Variants in RNF213 observed in about 807,000 individuals in gnomAD.
RNF213 encodes ring finger protein 213, also known as E3 ubiquitin-protein ligase RNF213.
Under a neutral mutation model 514.4 loss-of-function variants are expected in RNF213, and 341 were observed. That is an observed-to-expected ratio of 0.66 (90% CI 0.61 to 0.73). The LOEUF (loss-of-function observed/expected upper bound fraction) is 0.73. Among genes scored for constraint, RNF213 ranks in the 30% least tolerant of loss-of-function variants. The pLI, the probability that RNF213 is intolerant of heterozygous loss-of-function variation, is 0.00. For missense variants in RNF213, 5,767 were observed against 6,615.6 expected (o/e 0.87, Z 4.45); for synonymous variants, 2,655 against 2,658.2 (o/e 1.00, Z 0.04).
At chr17:80,322,144 A>C (rs1599021421) in intron 17 of RNF213, among the ~76,000 whole-genome samples, 33 of 81,080 alleles carry the variant, frequency 4.1e-4, no homozygotes, top group South Asian at 1.3e-3. Context: ...TTTGCCCCTC[A>C]TCCCCCCCAC....
rs761603859 is a variant in RNF213, at chr17:80,380,917, C to G, written c.13727C>G (p.Pro4576Arg). ...GTGACATGTGACCGAGGGCTGCCCC[C>G]AGTGGTCTTCCTCCTTATCCGGCTA... ...DVVTCDRGLP[P>R]VVFLLIRLLT... Residue 4576 changes from proline (P) to arginine (R), a missense_variant, in exon 56 of 68, where the codon CCA (proline) becomes CGA (arginine). Physicochemically the swap from Pro to Arg is moderately radical, Grantham distance 103. This residue lies in a region of RNF213 where 1,245 missense variants were observed against 1,339.0 expected (regional missense o/e 0.93). Coordinates refer to ENST00000582970, the MANE Select transcript of RNF213 (RefSeq NM_001256071.3). The G allele has an allele frequency of 6.2e-7, 1 of 1,614,178 alleles. No individual in the cohort carries two copies. The highest frequency in any genetic ancestry group is 1.1e-5 in the South Asian group (1 of 91,080).
At chr17:80,374,106 T>C (rs898774115) in intron 49 of RNF213, among the ~76,000 whole-genome samples, 1 of 151,768 alleles carries the variant, frequency 6.6e-6, no homozygotes, top group South Asian at 2.1e-4. Context: ...ACAAAAATGG[T>C]ACTAAGAACC....
rs1383020156 is a variant in RNF213, at chr17:80,397,737, T to C, written c.*4239T>C. ...GCGCCCGGCTGAATAAAGCCCTTCT[T>C]TAACTCGTGTCTGAGGGGTTTTCTC... On this transcript the variant is annotated 3_prime_UTR_variant, in exon 68 of 68. Coordinates refer to ENST00000582970, the MANE Select transcript of RNF213 (RefSeq NM_001256071.3). 2 of 151,458 alleles carry C rather than the reference T, an allele frequency of 1.3e-5. No homozygotes were observed. The highest frequency in any genetic ancestry group is 4.9e-5 in the African/African-American group (2 of 41,196). 9.4% of individuals were successfully genotyped at this position (151,458 alleles called of 1,614,324 possible). A position where few individuals can be genotyped will look rare whatever the true frequency, so the allele number is the denominator to read the frequency against.
chr17:80,274,972 G>C, intron 3 of RNF213, among the ~76,000 whole-genome samples: 1 of 98,164 alleles, frequency 1.0e-5, no homozygotes, highest in Non-Finnish European at 2.1e-5. Flanking sequence ...GTGTTGGGGT[G>C]TGTGTGTTGG....
chr17:80,353,848 G>C lies in RNF213; in HGVS notation c.10579-171G>C, dbSNP rs2078626432. On this transcript the variant is annotated intron_variant, in intron 34 of 67. Transcript: ENST00000582970. This position sits in a 1 kb window ranked among gnomAD's most constrained non-coding sequence, Gnocchi z 5.0. ...TGGTTACTGGGGGTCAAGGGCATCT[G>C]CACCGGCAGTTTGGGGGGTGCAGGG... The C allele has an allele frequency of 8.4e-7, 1 of 1,188,644 alleles. No homozygotes were observed. The highest frequency in any genetic ancestry group is 2.0e-5 in the Admixed American group (1 of 50,896). The allele number at this position is 1,188,644 out of a possible 1,614,324, so 73.6% of individuals were successfully genotyped here.
intron 11 of RNF213, among the ~76,000 whole-genome samples, chr17:80,305,307 T>C (rs2045319600): frequency 6.6e-6 from 1 of 151,456 alleles, no homozygotes; most frequent in South Asian, 2.1e-4. Context: ...GCCTCCCAAG[T>C]AGCTGGGATT....
Position 80,333,581 on chromosome 17 carries a change from C to T in RNF213, c.4144-524C>T, listed in dbSNP as rs2077898733. On this transcript the variant is annotated intron_variant, in intron 21 of 67. Transcript: ENST00000582970. ...TGGTGTCAGGTGCCTGTAATCTCAG[C>T]TACTAGAGAGGCTGAGGCAGGAGGA... Among the ~76,000 whole-genome samples, 3 of 151,536 alleles carry T rather than the reference C, an allele frequency of 2.0e-5. No homozygotes were observed. In the South Asian group the frequency reaches 6.2e-4, roughly 32 times the overall value.
At chr17:80,319,863 T>C in intron 17 of RNF213, 2 of 1,159,048 alleles carry the variant, frequency 1.7e-6, no homozygotes, top group South Asian at 3.8e-5. Flanking sequence ...TCACATTTCC[T>C]AATTGGACAC....
intron 3 of RNF213, among the ~76,000 whole-genome samples, chr17:80,287,012 C>T (rs994193435): frequency 2.6e-5 from 4 of 152,144 alleles, no homozygotes; most frequent in Admixed American, 1.3e-4. Flanking sequence ...ATTTTATGTA[C>T]GAAATATTTT....
rs1026873477 is a variant in RNF213, at chr17:80,386,300, A to G, written c.14590A>G (p.Thr4864Ala). 12 of 1,613,346 alleles carry G rather than the reference A, an allele frequency of 7.4e-6. No individual in the cohort carries two copies. The African/African-American group carries it at 1.3e-4, about 18-fold the overall frequency. The change falls in exon 62 of 68, where the codon ACT becomes GCT. Residue 4864 changes from threonine to alanine, a missense_variant. This residue lies in a region of RNF213 where 1,245 missense variants were observed against 1,339.0 expected (regional missense o/e 0.93). Coordinates refer to ENST00000582970, the MANE Select transcript of RNF213 (RefSeq NM_001256071.3). ...CTGCAGCACTGACTTGGATCTGGAC[A>G]CTGAGTTTGAGATCCTCTTGCCACG... ...DYCSTDLDLD[T>A]EFEILLPRRR...
Position 80,345,682 on chromosome 17 carries a change from C to G in RNF213, c.7347C>G (p.Val2449=). The G allele has an allele frequency of 1.2e-6, 2 of 1,614,172 alleles. No homozygotes were observed. The highest frequency in any genetic ancestry group is 2.7e-5 in the African/African-American group (2 of 75,040). Residue 2449 remains valine (V), a synonymous_variant, in exon 29 of 68, where the codon GTC becomes GTG. Transcript: ENST00000582970. This position sits in a 1 kb window ranked among gnomAD's most constrained non-coding sequence, Gnocchi z 6.0. ...GGTNADTIKL[V]KVHGGTTADM... is the part of the protein sequence containing the mutation. The stretch of plus-strand genomic sequence containing the variant: ...CCAATGCTGACACCATAAAGCTGGT[C>G]AAGGTGCACGGAGGAACAACTGCAG...
intron 3 of RNF213, among the ~76,000 whole-genome samples, chr17:80,276,092 G>GTTTT (rs2044046284): frequency 1.4e-5 from 2 of 142,554 alleles, no homozygotes; most frequent in Admixed American, 7.1e-5. Flanking sequence ...TTTATTTTTT[G>GTTTT]TTTTATTTAT....
At chr17:80,388,814 C>G in intron 64 of RNF213, 125 bp downstream of exon 64, 1 of 809,602 alleles carries the variant, frequency 1.2e-6, no homozygotes, top group Non-Finnish European at 2.2e-6. Context: ...TCTGCGGCCT[C>G]CCTTACAGAG....
intron 16 of RNF213, 122 bp from the exon 17 acceptor site, chr17:80,319,068 T>G: frequency 6.2e-7 from 1 of 1,601,174 alleles, no homozygotes; most frequent in Non-Finnish European, 8.5e-7. Context: ...CAGGAGAAGC[T>G]TAAAATTGGG....
At chr17:80,316,567 C>T (rs972437553) in intron 15 of RNF213, 11 of 170,044 alleles carry the variant, frequency 6.5e-5, no homozygotes, top group East Asian at 1.5e-4. Context: ...ACGAGAGGAA[C>T]GGGGGTGGAG....
intron 3 of RNF213, among the ~76,000 whole-genome samples, chr17:80,281,790 A>C (rs1026833843): frequency 6.6e-6 from 1 of 152,214 alleles, no homozygotes; most frequent in African/African-American, 2.4e-5. Flanking sequence ...AAGGATGCCC[A>C]GTCCCAGATA....
In RNF213 at chr17:80,288,379, G is replaced by C. The variant is rs1399478333; in HGVS notation, c.810+16G>C. 7 of 1,611,116 alleles carry C rather than the reference G, an allele frequency of 4.3e-6. No individual in the cohort carries two copies. In the African/African-American group the frequency reaches 9.3e-5, roughly 22 times the overall value. ...AGCCTCTATGGTGAGTCATCCGGGAGAGATGGCCTGGGAGTGGCACTGAGC... is the reference window on the plus strand; with the variant it reads ...AGCCTCTATGGTGAGTCATCCGGGACAGATGGCCTGGGAGTGGCACTGAGC... On this transcript the variant is annotated intron_variant, in intron 4 of 67. Coordinates refer to ENST00000582970, the MANE Select transcript of RNF213 (RefSeq NM_001256071.3). This position sits in a 1 kb window ranked among gnomAD's most constrained non-coding sequence, Gnocchi z 4.9.
intron 18 of RNF213, 110 bp from the exon 19 acceptor site, chr17:80,327,706 G>C (rs2046315755): frequency 1.1e-6 from 1 of 911,878 alleles, no homozygotes; most frequent in Non-Finnish European, 1.6e-6. Flanking sequence ...CATTGCCTGT[G>C]TTTGAGGAAG....
chr17:80,263,845 C>G lies in RNF213; in HGVS notation c.97+67C>G, dbSNP rs908392374. ...CCCCTGGAGATGTCTCACCTCCCTTCCAGGAAATGGAAACCCTGGGCAGCA... is the reference window on the plus strand; with the variant it reads ...CCCCTGGAGATGTCTCACCTCCCTTGCAGGAAATGGAAACCCTGGGCAGCA... On this transcript the variant is annotated intron_variant, in intron 2 of 67. Transcript: ENST00000582970. This position sits in a 1 kb window ranked among gnomAD's most constrained non-coding sequence, Gnocchi z 4.9. 102 of 1,374,806 alleles carry G rather than the reference C, an allele frequency of 7.4e-5. 1 individual carries two copies. The Admixed American group carries it at 1.7e-3, about 23-fold the overall frequency. 85.2% of individuals were successfully genotyped at this position (1,374,806 alleles called of 1,614,324 possible). A position where few individuals can be genotyped will look rare whatever the true frequency, so the allele number is the denominator to read the frequency against.
Sources: gnomAD v4.1 joint callset for allele counts (sites outside exome capture counted in the v4.1 genomes callset) on GRCh38, gnomAD v4.1.1 for gene constraint, gnomAD v4.1.1 regional missense constraint, Gnocchi (gnomAD v3.1) non-coding constraint, MANE v1.5 for transcripts, NCBI Gene and HGNC (gene_info 2026-07-23, HGNC 2026-07-21) for gene names.